Variants in MAN2A1 observed in about 807,000 individuals in gnomAD.
MAN2A1 encodes the protein alpha-mannosidase 2.
In MAN2A1, 76 loss-of-function variants were observed where a neutral mutation model predicts 142.6. The observed-to-expected ratio is 0.53, with a 90% CI of 0.44 to 0.65. The LOEUF (loss-of-function observed/expected upper bound fraction) is 0.65, where lower values mean the gene tolerates loss of function less well. MAN2A1 is among the 30% of genes least tolerant of loss of function. The pLI is 0.00. For synonymous variants in MAN2A1, 559 were observed against 473.2 expected (o/e 1.18, Z -2.35); for missense variants, 1,311 against 1,365.1 (o/e 0.96, Z 0.62).
intron 1 of MAN2A1, among the ~76,000 whole-genome samples, chr5:109,707,651 G>A (rs140409072): frequency 9.8e-5 from 15 of 152,320 alleles, no homozygotes; most frequent in African/African-American, 2.6e-4. Flanking sequence ...CAGAGGTGAC[G>A]TTTGGCATGA....
rs771584748 is a variant in MAN2A1 at position 109,823,728 on chromosome 5, T to C, written c.2457T>C (p.Tyr819=). 6.4e-7 allele frequency: 1 copy of C among 1,561,582 alleles called. No individual in the cohort carries two copies. The highest frequency in any genetic ancestry group is 8.8e-7 in the Non-Finnish European group (1 of 1,135,918). ...LFLPDGNAKP[Y]VYTTPPFVRV... The stretch of plus-strand genomic sequence containing the variant: ...ATATATTATTTTCTTTTCAGCCTTA[T>C]GTTTACACAACACCGCCCTTTGTCA... Residue 819 remains tyrosine, a synonymous_variant, in exon 16 of 22, where the codon TAT becomes TAC. Transcript: ENST00000261483.
rs866817587 is a variant in MAN2A1 at position 109,709,778 on chromosome 5, G to A, written c.136-3742G>A. Among the ~76,000 whole-genome samples, 13 of 152,204 alleles carry A rather than the reference G, an allele frequency of 8.5e-5. No individual in the cohort carries two copies. In the South Asian group the frequency reaches 2.1e-3, roughly 24 times the overall value. On this transcript the variant is annotated intron_variant, in intron 1 of 21. Coordinates refer to ENST00000261483, the MANE Select transcript of MAN2A1 (RefSeq NM_002372.4). ...ATGACCTCCTTCCCCACTCCTGAGC[G>A]GTGCAATGCTGTGGCCTCCCTGTAG... is the stretch of plus-strand genomic sequence containing the variant.
At chr5:109,741,095 C>T (rs1179615483) in intron 4 of MAN2A1, among the ~76,000 whole-genome samples, 1 of 152,088 alleles carries the variant, frequency 6.6e-6, no homozygotes, top group African/African-American at 2.4e-5. Context: ...TCAGATTTGT[C>T]TCACTCAGAT....
chr5:109,697,298 T>A (rs1334065265), intron 1 of MAN2A1, among the ~76,000 whole-genome samples: 1 of 152,198 alleles, frequency 6.6e-6, no homozygotes, highest in African/African-American at 2.4e-5. Context: ...CTTCTTGAGA[T>A]GAGAAAAAGC....
chr5:109,795,180 A>G (rs1455583176), intron 12 of MAN2A1, among the ~76,000 whole-genome samples: 5 of 152,138 alleles, frequency 3.3e-5, no homozygotes, highest in Non-Finnish European at 7.4e-5. Flanking sequence ...TGCCATTCCA[A>G]TTCAGTCATC....
chr5:109,781,568 G>T lies in MAN2A1; in HGVS notation c.1547G>T (p.Arg516Leu), dbSNP rs754216087. Reference sequence around the variant, plus strand: ...TTTACATCCAGACCCTTTTACAAACGAATGGACAGAATCATGGAATCTCAT... The same window carrying T: ...TTTACATCCAGACCCTTTTACAAACTAATGGACAGAATCATGGAATCTCAT... The part of the protein sequence containing the change: ...GYFTSRPFYK[R>L]MDRIMESHLR... Residue 516 changes from arginine (R) to leucine (L), a missense_variant, in exon 9 of 22, where the codon CGA becomes CTA. Physicochemically the swap from Arg to Leu is moderately radical, Grantham distance 102 (BLOSUM62 -2). Coordinates refer to ENST00000261483, the MANE Select transcript of MAN2A1 (RefSeq NM_002372.4). 23 of 1,605,526 alleles carry T rather than the reference G, an allele frequency of 1.4e-5. No individual in the cohort carries two copies. The highest frequency in any genetic ancestry group is 2.3e-5 in the South Asian group (2 of 88,748).
chr5:109,824,511 C>T (rs1754708865), intron 16 of MAN2A1, among the ~76,000 whole-genome samples: 1 of 152,112 alleles, frequency 6.6e-6, no homozygotes, highest in Non-Finnish European at 1.5e-5. Context: ...GAATGGTGTG[C>T]TTTTCCAACT....
At chr5:109,757,498 G>T (rs891682487) in intron 5 of MAN2A1, among the ~76,000 whole-genome samples, 4 of 152,100 alleles carry the variant, frequency 2.6e-5, no homozygotes, top group Non-Finnish European at 5.9e-5. Flanking sequence ...GTTTGAAGAA[G>T]AATTTATTAG....
At chr5:109,865,222 A>G in intron 21 of MAN2A1, 76 bp downstream of exon 21, 1 of 1,047,554 alleles carries the variant, frequency 9.5e-7, no homozygotes, top group Non-Finnish European at 1.5e-6. Flanking sequence ...CTTGACAATA[A>G]GATCATGTTT....
At chr5:109,832,792 C>T (rs538500774) in intron 16 of MAN2A1, among the ~76,000 whole-genome samples, 282 of 151,236 alleles carry the variant, frequency 1.9e-3, no homozygotes, top group African/African-American at 5.9e-3. Context: ...CCCTCCCGGA[C>T]GGGGCGGCTG....
chr5:109,773,729 G>T (rs1753211387), intron 7 of MAN2A1, among the ~76,000 whole-genome samples: 1 of 152,144 alleles, frequency 6.6e-6, no homozygotes. Context: ...AGGACCATAT[G>T]AGATTTAAAT....
Position 109,766,322 on chromosome 5 carries a change from A to G in MAN2A1, c.836-1213A>G, listed in dbSNP as rs114477491. ...TTAAATCCGTGCTACCACAAAAACC[A>G]AAGTTACTAAATAGAGTTCAATATT... On this transcript the variant is annotated intron_variant, in intron 5 of 21. Coordinates refer to ENST00000261483, the MANE Select transcript of MAN2A1 (RefSeq NM_002372.4). 5.0e-3 allele frequency among the ~76,000 whole-genome samples: 768 copies of G among 152,306 alleles called. 6 individuals are homozygous for G. Among genetic ancestry groups the G allele is most frequent in the African/African-American group, 0.017 (724 of 41,586 alleles).
At chr5:109,714,830 C>G (rs923468749) in intron 2 of MAN2A1, among the ~76,000 whole-genome samples, 2 of 152,142 alleles carry the variant, frequency 1.3e-5, no homozygotes, top group Non-Finnish European at 2.9e-5. Flanking sequence ...CCAGGTCTTG[C>G]ACCTGCAACC....
intron 4 of MAN2A1, among the ~76,000 whole-genome samples, chr5:109,753,508 A>G (rs1315000946): frequency 6.6e-6 from 1 of 152,142 alleles, no homozygotes; most frequent in African/African-American, 2.4e-5. Context: ...CTCCATGTGA[A>G]ATTATATTAG....
intron 16 of MAN2A1, among the ~76,000 whole-genome samples, chr5:109,832,655 GTC>G (rs1754945771): frequency 6.6e-6 from 1 of 152,110 alleles, no homozygotes; most frequent in Non-Finnish European, 1.5e-5. Context: ...AACCGCCATC[GTC>G]ATCATGGCCC....
At chr5:109,809,151 A>G (rs1299168059) in intron 12 of MAN2A1, among the ~76,000 whole-genome samples, 1 of 152,146 alleles carries the variant, frequency 6.6e-6, no homozygotes, top group Non-Finnish European at 1.5e-5. Context: ...GCCACCTAAC[A>G]ATAAGTATTG....
At chr5:109,833,318 C>T (rs1295016077) in intron 16 of MAN2A1, among the ~76,000 whole-genome samples, 9 of 152,188 alleles carry the variant, frequency 5.9e-5, no homozygotes, top group East Asian at 3.9e-4. Context: ...CCAAGGCAGG[C>T]GGCTGGGAGG....
intron 4 of MAN2A1, among the ~76,000 whole-genome samples, chr5:109,753,476 C>T (rs1561494198): frequency 6.6e-6 from 1 of 152,174 alleles, no homozygotes; most frequent in Non-Finnish European, 1.5e-5. Flanking sequence ...TTTCTTTAGA[C>T]ATTCTAATGA....
rs755897263 is a variant in MAN2A1, at chr5:109,868,616, G to A, written c.*1618G>A. 1.1e-4 allele frequency: 17 copies of A among 151,976 alleles called. No homozygotes were observed. The highest frequency in any genetic ancestry group is 2.4e-4 in the Non-Finnish European group (16 of 67,992). The allele number at this position is 151,976 out of a possible 1,614,324, so 9.4% of individuals were successfully genotyped here. A position where few individuals can be genotyped will look rare whatever the true frequency, so the allele number is the denominator to read the frequency against. On this transcript the variant is annotated 3_prime_UTR_variant, in exon 22 of 22. Coordinates refer to ENST00000261483, the MANE Select transcript of MAN2A1 (RefSeq NM_002372.4). ...TCAAGATGCAGCTCCTAAGATTATT[G>A]TTATGTTAAATTCATAAACTCCTTC...
Sources: gnomAD v4.1 joint callset for allele counts (sites outside exome capture counted in the v4.1 genomes callset) on GRCh38, gnomAD v4.1.1 for gene constraint, MANE v1.5 for transcripts, NCBI Gene and HGNC (gene_info 2026-07-23, HGNC 2026-07-21) for gene names.